Variants in UNC80 observed in about 807,000 individuals in gnomAD.
The protein encoded by UNC80 is protein unc-80 homolog.
UNC80 carries 164 observed loss-of-function variants against 384.6 expected under a neutral mutation model. The observed-to-expected ratio is 0.43, with a 90% CI of 0.38 to 0.49. The LOEUF (loss-of-function observed/expected upper bound fraction) is 0.49. UNC80 is among the 20% of genes least tolerant of loss of function. The pLI, the probability that UNC80 is intolerant of heterozygous loss-of-function variation, is 0.00. For missense variants in UNC80, 3,330 were observed against 4,143.0 expected (o/e 0.80, Z 5.39); for synonymous variants, 1,486 against 1,527.8 (o/e 0.97, Z 0.64).
intron 22 of UNC80, among the ~76,000 whole-genome samples, chr2:209,871,333 C>G (rs956924182): frequency 6.6e-6 from 1 of 152,116 alleles, no homozygotes; most frequent in Admixed American, 6.5e-5. Flanking sequence ...ATATTCACCC[C>G]TTTCATGCTA....
At chr2:209,948,433 G>A (rs2092008703) in intron 47 of UNC80, among the ~76,000 whole-genome samples, 1 of 152,056 alleles carries the variant, frequency 6.6e-6, no homozygotes, top group Non-Finnish European at 1.5e-5. Context: ...TAAAAGGTTT[G>A]GAAGCTTTTC....
At chr2:209,829,408 A>C (rs992261521) in intron 15 of UNC80, 29 bp downstream of exon 15, 3 of 1,550,290 alleles carry the variant, frequency 1.9e-6, no homozygotes, top group Non-Finnish European at 2.6e-6. Flanking sequence ...AAGTTCTAGG[A>C]GAAGTCGTTG....
In UNC80 at chr2:209,890,261, T is replaced by C. The variant is rs1574906456; in HGVS notation, c.4276+2001T>C. ...ACAATGTTAGTGATGCATCATTTCT[T>C]AAATGGATTCATAAAAAAAGTAAAG... On this transcript the variant is annotated intron_variant, in intron 26 of 64. Coordinates refer to ENST00000673920, the MANE Select transcript of UNC80 (RefSeq NM_001371986.1). Among the ~76,000 whole-genome samples the C allele has an allele frequency of 3.9e-5, 6 of 152,320 alleles. No individual in the cohort carries two copies. The South Asian group carries it at 1.2e-3, about 32-fold the overall frequency.
intron 48 of UNC80, among the ~76,000 whole-genome samples, chr2:209,955,073 AGCT>A (rs2124995687): frequency 6.6e-6 from 1 of 152,262 alleles, no homozygotes; most frequent in South Asian, 2.1e-4. Context: ...CATCTAAATT[AGCT>A]GCCAGGAAAT....
At chr2:209,777,210 C>G (rs778074563) in intron 3 of UNC80, 48 bp from the exon 4 acceptor site, 1 of 1,526,382 alleles carries the variant, frequency 6.6e-7, no homozygotes, top group African/African-American at 1.4e-5. Flanking sequence ...ATCTATTGCC[C>G]TGGTCACAGA....
chr2:209,777,603 G>A (rs2076937865), intron 4 of UNC80, 44 bp downstream of exon 4: 1 of 1,550,358 alleles, frequency 6.5e-7, no homozygotes. Context: ...GTGGAGATGT[G>A]GTGAGGGTAG....
chr2:209,795,975 G>A (rs1336960714), intron 7 of UNC80: 1 of 152,328 alleles, frequency 6.6e-6, no homozygotes, highest in Non-Finnish European at 1.5e-5. Context: ...GAGGGCCACT[G>A]TCCTCCAGAC....
chr2:209,780,379 G>A (rs73074787), intron 4 of UNC80, among the ~76,000 whole-genome samples: 22,313 of 152,002 alleles, frequency 0.15, 2,467 homozygotes, highest in African/African-American at 0.3. Flanking sequence ...CATTGCTATG[G>A]GGAAAGCATT....
chr2:209,801,868 C>T (rs577287257), intron 7 of UNC80, among the ~76,000 whole-genome samples: 1 of 152,026 alleles, frequency 6.6e-6, no homozygotes, highest in Non-Finnish European at 1.5e-5. Context: ...ATACTACTAT[C>T]TTGCGCTTTA....
chr2:209,815,230 C>T, intron 8 of UNC80, 27 bp from the exon 9 acceptor site: 1 of 1,549,046 alleles, frequency 6.5e-7, no homozygotes, highest in Non-Finnish European at 8.7e-7. Context: ...AGTCCTAAGT[C>T]CTTGATCACT....
Position 209,834,052 on chromosome 2 carries a change from T to C in UNC80, c.2826T>C (p.His942=). The C allele has an allele frequency of 2.6e-6, 4 of 1,551,786 alleles. No individual in the cohort carries two copies. Among genetic ancestry groups the C allele is most frequent in the Non-Finnish European group, 3.5e-6 (4 of 1,146,978 alleles). ...TGGTCCAGTTTATCAAAGAGGCTCA[T>C]GGGAATGTCTTCAGGAGAGTGGCCC... ...RQLVQFIKEA[H]GNVFRRVALS... Residue 942 remains histidine, a synonymous_variant, in exon 17 of 65, where the codon CAT becomes CAC. Coordinates refer to ENST00000673920, the MANE Select transcript of UNC80 (RefSeq NM_001371986.1).
At position 209,979,204 on chromosome 2, in the gene UNC80, G is replaced by A. The variant is rs990320518; in HGVS notation, c.9118+496G>A. ...GCAGAGGTTGCAGTGAGCCAAGATC[G>A]CGCCAATGCACTCCAGCCTGGGCAA... On this transcript the variant is annotated intron_variant, in intron 59 of 64. Coordinates refer to ENST00000673920, the MANE Select transcript of UNC80 (RefSeq NM_001371986.1). 6.6e-5 allele frequency among the ~76,000 whole-genome samples: 10 copies of A among 152,242 alleles called. No individual in the cohort carries two copies. In the South Asian group the frequency reaches 8.3e-4, roughly 13 times the overall value.
rs908179337 is a variant in UNC80, at chr2:209,954,181, A to G, written c.7368A>G (p.Thr2456=). 3 of 1,551,090 alleles carry G rather than the reference A, an allele frequency of 1.9e-6. No homozygotes were observed. Among genetic ancestry groups the G allele is most frequent in the Middle Eastern group, 1.8e-4 (1 of 5,656 alleles). ...KLKRQTSQVE[T]VPAAREEIAA... ...AGAGGCAGACATCACAGGTGGAGAC[A>G]GTACCTGCTGCCCGAGAGGAGATTG... The change falls in exon 48 of 65, where the codon ACA becomes ACG. Residue 2456 remains threonine (T), a synonymous_variant. Transcript: ENST00000673920.
At chr2:209,910,403 C>T (rs1170836736) in intron 29 of UNC80, among the ~76,000 whole-genome samples, 1 of 151,890 alleles carries the variant, frequency 6.6e-6, no homozygotes, top group Non-Finnish European at 1.5e-5. Context: ...ACATATACCC[C>T]CATCTCTGTG....
rs982624480 is a variant in UNC80, at chr2:209,922,491, G to C, written c.5662+108G>C. Reference sequence around the variant, plus strand: ...TTACATTGTCTTCATTAAATAACTTGTCTCATGACTTGACATTCTAAAAAA... The same window carrying C: ...TTACATTGTCTTCATTAAATAACTTCTCTCATGACTTGACATTCTAAAAAA... On this transcript the variant is annotated intron_variant, in intron 35 of 64. Transcript: ENST00000673920. The C allele has an allele frequency of 4.0e-6, 5 of 1,259,750 alleles. No homozygotes were observed. The South Asian group carries it at 1.1e-4, about 29-fold the overall frequency. The allele number at this position is 1,259,750 out of a possible 1,614,324, so 78.0% of individuals were successfully genotyped here.
Position 209,984,920 on chromosome 2 carries a change from G to T in UNC80, c.9314+8G>T. On this transcript the variant is annotated splice_region_variant and intron_variant, in intron 61 of 64. Coordinates refer to ENST00000673920, the MANE Select transcript of UNC80 (RefSeq NM_001371986.1). Reference sequence around the variant, plus strand: ...CGAGGGCAGCCTCTCTAGGTACAGTGTCAATGCTACCTGTCTATTGGTGTC... The same window carrying T: ...CGAGGGCAGCCTCTCTAGGTACAGTTTCAATGCTACCTGTCTATTGGTGTC... 6.5e-7 allele frequency: 1 copy of T among 1,549,990 alleles called. No homozygotes were observed. Among genetic ancestry groups the T allele is most frequent in the Non-Finnish European group, 8.7e-7 (1 of 1,146,316 alleles).
chr2:209,852,855 T>C (rs745701712), intron 22 of UNC80, among the ~76,000 whole-genome samples: 1 of 152,288 alleles, frequency 6.6e-6, no homozygotes, highest in African/African-American at 2.4e-5. Flanking sequence ...CTTTCAAGAA[T>C]GCCTCAGTTT....
chr2:209,855,357 G>C (rs1447923696), intron 22 of UNC80, among the ~76,000 whole-genome samples: 1 of 152,028 alleles, frequency 6.6e-6, no homozygotes, highest in Non-Finnish European at 1.5e-5. Flanking sequence ...ATGCATGCTG[G>C]ACTTAATACC....
At chr2:209,877,808 G>C in intron 23 of UNC80, 146 bp from the exon 24 acceptor site, 1 of 850,514 alleles carries the variant, frequency 1.2e-6, no homozygotes, top group Non-Finnish European at 1.6e-6. Context: ...TGGCAAATAT[G>C]GTGGAAACAA....
Sources: allele counts gnomAD v4.1 joint callset (sites outside exome capture counted in the v4.1 genomes callset), GRCh38; gene constraint gnomAD v4.1.1; transcripts MANE v1.5; gene names NCBI Gene and HGNC (gene_info 2026-07-23, HGNC 2026-07-21).